CUBN: variants seen among roughly 807,000 people sequenced by gnomAD.
CUBN encodes cubilin.
In CUBN, 282 loss-of-function variants were observed where a neutral mutation model predicts 405.3. The ratio of observed to expected loss-of-function variants is 0.70; its 90% confidence interval spans 0.63 to 0.77. CUBN has a LOEUF of 0.77. Ranked by LOEUF, CUBN falls within the 30% of genes least tolerant of loss-of-function variation. The pLI is 0.00. For synonymous variants in CUBN, 1,684 were observed against 1,617.0 expected (o/e 1.04, Z -0.99); for missense variants, 4,514 against 4,475.2 (o/e 1.01, Z -0.25).
Position 17,100,049 on chromosome 10 carries a change from C to G in CUBN, c.1721G>C (p.Arg574Thr), listed in dbSNP as rs1836461659. ...TCTTACTGTAAAGCCTCTCCCATTT[C>G]TTAAATGTTCAGAATAGAGATGAAA... ...LYFHLYSEHLRNGRGFTVRWE... is the reference protein window; with the variant it reads ...LYFHLYSEHLTNGRGFTVRWE... The change falls in exon 14 of 67, where the codon AGA becomes ACA. Residue 574 changes from arginine to threonine, a missense_variant. This residue lies in a region of CUBN where 1,448 missense variants were observed against 1,388.0 expected (regional missense o/e 1.04). Coordinates refer to ENST00000377833, the MANE Select transcript of CUBN (RefSeq NM_001081.4). 6.2e-7 allele frequency: 1 copy of G among 1,613,948 alleles called. No individual in the cohort carries two copies.
At chr10:16,876,406 T>C (rs1238539230) in intron 57 of CUBN, among the ~76,000 whole-genome samples, 1 of 152,222 alleles carries the variant, frequency 6.6e-6, no homozygotes, top group East Asian at 1.9e-4. Flanking sequence ...TATAGCATAG[T>C]TGAATATATC....
Position 17,047,532 on chromosome 10 carries a change from T to G in CUBN, c.3211A>C (p.Asn1071His). 1 of 1,613,946 alleles carries G rather than the reference T, an allele frequency of 6.2e-7. No individual in the cohort carries two copies. Among genetic ancestry groups the G allele is most frequent in the Non-Finnish European group, 8.5e-7 (1 of 1,179,824 alleles). Reference sequence around the variant, plus strand: ...GTGATCCGATAAATGCATTCCCAGTTGTTGGGATAATTATTGGGGAAGTTT... The same window carrying G: ...GTGATCCGATAAATGCATTCCCAGTGGTTGGGATAATTATTGGGGAAGTTT... ...SPNFPNNYPN[N>H]WECIYRITVR... Residue 1071 changes from asparagine (N) to histidine (H), a missense_variant, in exon 23 of 67, where the codon AAC (asparagine) becomes CAC (histidine). By Grantham distance (68) the Asn-to-His change is moderately conservative. Around this residue, in one of 5 missense-constraint regions of CUBN, gnomAD observed 1,448 missense variants for 1,388.0 expected, o/e 1.04. Transcript: ENST00000377833.
intron 4 of CUBN, among the ~76,000 whole-genome samples, chr10:17,126,292 T>C (rs1365796432): frequency 6.6e-6 from 1 of 152,244 alleles, no homozygotes; most frequent in East Asian, 1.9e-4. Context: ...TTATACAATG[T>C]TTTCTGTAAG....
chr10:16,913,941 T>C lies in CUBN; in HGVS notation c.7403A>G (p.Tyr2468Cys), dbSNP rs757744293. ...CCGGCCATGAGGATTTGGGTTCGGG[T>C]AGTTGGGAGAAGTAAATGTTCCAAT... The part of the protein sequence containing the change: ...GSIGTFTSPN[Y>C]PNPNPHGRIC... The change falls in exon 48 of 67, where the codon TAC becomes TGC. Residue 2468 changes from tyrosine to cysteine, a missense_variant. By Grantham distance (194) the Tyr-to-Cys change is radical (BLOSUM62 -2). Transcript: ENST00000377833. 17 of 1,613,812 alleles carry C rather than the reference T, an allele frequency of 1.1e-5. No homozygotes were observed. The highest frequency in any genetic ancestry group is 1.0e-4 in the Admixed American group (6 of 59,964).
chr10:16,997,432 T>TAAAAAA, intron 28 of CUBN, among the ~76,000 whole-genome samples: 1 of 122,662 alleles, frequency 8.2e-6, no homozygotes, highest in East Asian at 2.3e-4. Flanking sequence ...AGACTCCATC[T>TAAAAAA]AAAAAAAAAA....
chr10:16,850,116 C>T (rs571141837), intron 60 of CUBN, among the ~76,000 whole-genome samples: 2 of 152,314 alleles, frequency 1.3e-5, no homozygotes, highest in South Asian at 2.1e-4. Context: ...AGTTTTCCCT[C>T]GCTCTATCAA....
At chr10:17,111,403 G>C (rs933092211) in intron 8 of CUBN, among the ~76,000 whole-genome samples, 4 of 152,000 alleles carry the variant, frequency 2.6e-5, no homozygotes, top group Non-Finnish European at 5.9e-5. Context: ...ATACTAAGAT[G>C]GTAGTATACA....
At chr10:17,121,250 G>A (rs1837032940) in intron 6 of CUBN, among the ~76,000 whole-genome samples, 1 of 152,060 alleles carries the variant, frequency 6.6e-6, no homozygotes, top group South Asian at 2.1e-4. Flanking sequence ...ATGAGTAAAA[G>A]TTTTAAAGAT....
At chr10:17,050,088 C>G (rs907287135) in intron 22 of CUBN, among the ~76,000 whole-genome samples, 1 of 152,156 alleles carries the variant, frequency 6.6e-6, no homozygotes, top group African/African-American at 2.4e-5. Context: ...CAGTTCTTCT[C>G]TTTCAAACTA....
intron 34 of CUBN, 147 bp from the exon 35 acceptor site, chr10:16,948,753 T>A: frequency 1.1e-6 from 1 of 917,318 alleles, no homozygotes; most frequent in South Asian, 1.4e-5. Flanking sequence ...TCAGGGTCAA[T>A]GTTTGAGACA....
At position 17,045,073 on chromosome 10, in the gene CUBN, T is replaced by G. The variant is rs746959367; in HGVS notation, c.3606A>C (p.Ala1202=). ...YWWLKSSHGS[A]FELEFKDFHL... is the part of the protein sequence containing the mutation. ...GAAAGTCTTTGAATTCCAGTTCAAA[T>G]GCGCTGCCGTGGCTAGATTTCAACC... The change falls in exon 25 of 67, where the codon GCA becomes GCC. Residue 1202 remains alanine, a synonymous_variant. Transcript: ENST00000377833. 2 of 1,613,976 alleles carry G rather than the reference T, an allele frequency of 1.2e-6. No homozygotes were observed. The highest frequency in any genetic ancestry group is 1.7e-6 in the Non-Finnish European group (2 of 1,180,016).
At chr10:16,881,330 C>T (rs1840660632) in intron 56 of CUBN, among the ~76,000 whole-genome samples, 2 of 152,254 alleles carry the variant, frequency 1.3e-5, no homozygotes, top group East Asian at 1.9e-4. Flanking sequence ...GGCTGTGAAA[C>T]ATAAGGTATA....
chr10:16,858,662 T>C (rs978716880), intron 59 of CUBN, among the ~76,000 whole-genome samples: 4 of 152,156 alleles, frequency 2.6e-5, no homozygotes, highest in Admixed American at 1.3e-4. Context: ...GGCCTTCAAA[T>C]AGCTAAAACA....
intron 58 of CUBN, among the ~76,000 whole-genome samples, chr10:16,874,014 T>A (rs1294428027): frequency 1.3e-5 from 2 of 152,204 alleles, no homozygotes; most frequent in Non-Finnish European, 2.9e-5. Flanking sequence ...TCTTTGTGTA[T>A]AATAAATACC....
intron 22 of CUBN, among the ~76,000 whole-genome samples, chr10:17,051,289 A>C (rs1434525657): frequency 1.3e-5 from 2 of 152,096 alleles, no homozygotes; most frequent in Non-Finnish European, 2.9e-5. Flanking sequence ...TGAACCTGGG[A>C]GGTGGAGCTT....
chr10:16,959,837 A>T (rs1843166993), intron 31 of CUBN, among the ~76,000 whole-genome samples: 1 of 152,218 alleles, frequency 6.6e-6, no homozygotes, highest in South Asian at 2.1e-4. Flanking sequence ...TATTGGATAC[A>T]CATATATTAA....
chr10:16,867,408 C>T (rs1840219329), intron 59 of CUBN, among the ~76,000 whole-genome samples: 1 of 152,138 alleles, frequency 6.6e-6, no homozygotes, highest in Non-Finnish European at 1.5e-5. Context: ...ACAATAAAAA[C>T]CAAAATGAAA....
At chr10:17,072,523 C>G (rs1280908704) in intron 17 of CUBN, among the ~76,000 whole-genome samples, 1 of 151,940 alleles carries the variant, frequency 6.6e-6, no homozygotes, top group Non-Finnish European at 1.5e-5. Flanking sequence ...TTGGAGACAG[C>G]CTAGGCAACA....
chr10:16,988,735 G>A (rs1486202335), intron 29 of CUBN, among the ~76,000 whole-genome samples: 2 of 151,856 alleles, frequency 1.3e-5, no homozygotes, highest in Non-Finnish European at 2.9e-5. Context: ...TATTCATATC[G>A]ACCCCTTGCA....
Sources: allele counts gnomAD v4.1 joint callset (sites outside exome capture counted in the v4.1 genomes callset), GRCh38; gene constraint gnomAD v4.1.1; regional missense constraint gnomAD v4.1.1; transcripts MANE v1.5; gene names NCBI Gene and HGNC (gene_info 2026-07-23, HGNC 2026-07-21).